EVC: variants seen among roughly 807,000 people sequenced by gnomAD.
The protein encoded by EVC is evC complex member EVC.
EVC carries 116 observed loss-of-function variants against 118.9 expected under a neutral mutation model. The observed-to-expected ratio is 0.98, with a 90% CI of 0.84 to 1.14. The LOEUF is 1.14. EVC is among the 50% of genes most tolerant of loss of function. The probability of loss-of-function intolerance (pLI) is 0.00; values close to 1 mark genes in which losing one functional copy is unlikely to be tolerated. For missense variants in EVC, 1,401 were observed against 1,246.4 expected, an observed-to-expected ratio of 1.12 and a Z score of -1.87; for synonymous variants, 619 against 534.7, an observed-to-expected ratio of 1.16 and a Z score of -2.18.
At position 5,741,733 on chromosome 4, in the gene EVC, TA is replaced by T; in HGVS notation, c.724del (p.Met242CysfsTer31). 6.4e-7 allele frequency: 1 copy of T among 1,570,034 alleles called. No homozygotes were observed. Among genetic ancestry groups the T allele is most frequent in the Non-Finnish European group, 8.8e-7 (1 of 1,141,044 alleles). On this transcript the variant is annotated frameshift_variant, in exon 6 of 21. Coordinates refer to ENST00000264956, the MANE Select transcript of EVC (RefSeq NM_153717.3). LOFTEE classifies it high-confidence loss of function. ...EKHMMFIQIF[K>X]MCLLDLLPKK... Reference sequence around the variant, plus strand: ...GGCAATAGATGTTTATTCAGATTTTTAAAATGTGCCTCCTTGACCTTCTTCC... The same window carrying T: ...GGCAATAGATGTTTATTCAGATTTTTAAATGTGCCTCCTTGACCTTCTTCC...
chr4:5,745,415 T>C (rs1381686884), intron 7 of EVC, 74 bp downstream of exon 7: 35 of 1,510,396 alleles, frequency 2.3e-5, no homozygotes, highest in Non-Finnish European at 3.2e-5. Flanking sequence ...ATTAGAGAGA[T>C]GATAGTTAGA....
intron 17 of EVC, among the ~76,000 whole-genome samples, 161 bp downstream of exon 17, chr4:5,805,002 C>T (rs1275451413): frequency 6.6e-6 from 1 of 152,176 alleles, no homozygotes; most frequent in Non-Finnish European, 1.5e-5. Flanking sequence ...TCTCTGCCCT[C>T]CATGCAGCAC....
chr4:5,754,986 G>A lies in EVC; in HGVS notation c.1464+1053G>A, dbSNP rs1442325968. Among the ~76,000 whole-genome samples the A allele has an allele frequency of 6.6e-6, 1 of 152,014 alleles. No homozygotes were observed. The highest frequency in any genetic ancestry group is 1.5e-5 in the Non-Finnish European group (1 of 67,996). On this transcript the variant is annotated intron_variant, in intron 10 of 20. Coordinates refer to ENST00000264956, the MANE Select transcript of EVC (RefSeq NM_153717.3). The surrounding 1 kb of genome is among the most constrained non-coding windows in gnomAD (Gnocchi z 5.8). ...GCTCTCCCTGGGGGCCAAGCTGGTG[G>A]TGGTGGCACCACTGCAGTGAGAAGC...
At chr4:5,806,172 C>T (rs549279260) in intron 17 of EVC, among the ~76,000 whole-genome samples, 4 of 151,994 alleles carry the variant, frequency 2.6e-5, no homozygotes, top group South Asian at 2.1e-4. Context: ...CTCCGCCTCC[C>T]GGGTTCAAGC....
chr4:5,802,105 C>G lies in EVC; in HGVS notation c.2449+11C>G, dbSNP rs199953234. 2 of 1,614,114 alleles carry G rather than the reference C, an allele frequency of 1.2e-6. No homozygotes were observed. Among genetic ancestry groups the G allele is most frequent in the African/African-American group, 1.3e-5 (1 of 75,044 alleles). On this transcript the variant is annotated intron_variant, in intron 16 of 20. Transcript: ENST00000264956. ...TGAAGACCCTGCAGGGTACGGGACC[C>G]CCCCTCAGGGAAGCCCCAGAAGAGA... is the stretch of plus-strand genomic sequence containing the variant.
intron 1 of EVC, among the ~76,000 whole-genome samples, chr4:5,712,693 C>G (rs1221443028): frequency 6.6e-6 from 1 of 152,108 alleles, no homozygotes; most frequent in African/African-American, 2.4e-5. Context: ...TCATGGGGAG[C>G]ATTACACCGC....
At chr4:5,808,055 G>T (rs879518046) in intron 17 of EVC, 146 bp from the exon 18 acceptor site, 2 of 697,696 alleles carry the variant, frequency 2.9e-6, no homozygotes, top group Non-Finnish European at 5.0e-6. Flanking sequence ...TGGAGCTGGG[G>T]CTGCTGTGAA....
intron 11 of EVC, among the ~76,000 whole-genome samples, chr4:5,770,753 G>A (rs971051896): frequency 2.0e-5 from 3 of 152,136 alleles, no homozygotes; most frequent in Admixed American, 1.3e-4. Flanking sequence ...GCTAACACCT[G>A]TAATCCCAGC....
At chr4:5,725,752 C>T (rs768083350) in intron 2 of EVC, among the ~76,000 whole-genome samples, 10 of 152,106 alleles carry the variant, frequency 6.6e-5, no homozygotes, top group African/African-American at 1.7e-4. Flanking sequence ...GCTTTTGTTG[C>T]GGTTGTTTTT....
chr4:5,723,674 T>G (rs1056435106), intron 2 of EVC, among the ~76,000 whole-genome samples: 1 of 152,120 alleles, frequency 6.6e-6, no homozygotes, highest in African/African-American at 2.4e-5. Flanking sequence ...TGAGCAAATG[T>G]GTCTCCCCTG....
intron 2 of EVC, among the ~76,000 whole-genome samples, chr4:5,729,010 T>C (rs576601482): frequency 1.9e-4 from 29 of 152,166 alleles, no homozygotes; most frequent in Non-Finnish European, 3.7e-4. Context: ...CTGTCCATCC[T>C]TCCATCCAAC....
chr4:5,826,796 C>G, the EVC span: 1 of 152,670 alleles, frequency 6.6e-6, no homozygotes, highest in Non-Finnish European at 1.5e-5. Flanking sequence ...CTCCCTCCTT[C>G]TCTGCAGGTG....
At chr4:5,780,390 A>G (rs1344671117) in intron 11 of EVC, among the ~76,000 whole-genome samples, 3 of 152,200 alleles carry the variant, frequency 2.0e-5, no homozygotes, top group Non-Finnish European at 4.4e-5. Context: ...CAAGAGTCCA[A>G]TGGCCAGGAC....
chr4:5,732,111 C>A (rs183152883), intron 4 of EVC, among the ~76,000 whole-genome samples: 1 of 141,766 alleles, frequency 7.1e-6, no homozygotes, highest in Non-Finnish European at 1.6e-5. Flanking sequence ...TTGGTACTGT[C>A]ATTTCCTCCA....
intron 5 of EVC, among the ~76,000 whole-genome samples, chr4:5,740,150 A>G (rs1027980888): frequency 1.3e-5 from 2 of 152,132 alleles, no homozygotes; most frequent in Non-Finnish European, 2.9e-5. Flanking sequence ...ACATACTTAA[A>G]TGTAAACAGT....
At chr4:5,783,495 G>A in intron 11 of EVC, 57 bp from the exon 12 acceptor site, 1 of 1,546,714 alleles carries the variant, frequency 6.5e-7, no homozygotes, top group South Asian at 1.1e-5. Context: ...GAGCAGCTCA[G>A]GCCCCACACA....
intron 12 of EVC, among the ~76,000 whole-genome samples, chr4:5,790,795 G>A (rs1261136836): frequency 6.6e-6 from 1 of 152,266 alleles, no homozygotes; most frequent in East Asian, 1.9e-4. Context: ...CTTTATGAAT[G>A]AAAATTATAG....
chr4:5,731,703 A>G lies in EVC; in HGVS notation c.617+46A>G, dbSNP rs1726854979. ...AGGATGAGGCTTCCAGTCCTCTTGG[A>G]GTGGGCCGGGAGTCACATCATTGTC... On this transcript the variant is annotated intron_variant, in intron 4 of 20. Coordinates refer to ENST00000264956, the MANE Select transcript of EVC (RefSeq NM_153717.3). The surrounding 1 kb of genome is among the most constrained non-coding windows in gnomAD (Gnocchi z 5.6). 6.5e-7 allele frequency: 1 copy of G among 1,548,488 alleles called. No homozygotes were observed. The highest frequency in any genetic ancestry group is 8.8e-7 in the Non-Finnish European group (1 of 1,131,346).
chr4:5,806,652 C>A lies in EVC; in HGVS notation c.2562-1549C>A, dbSNP rs564752570. The stretch of plus-strand genomic sequence containing the variant: ...TATTGTGAATAATGCAATGAACACA[C>A]GAGAGCAGGTATCTTTCTGATATAC... On this transcript the variant is annotated intron_variant, in intron 17 of 20. Transcript: ENST00000264956. 1.3e-4 allele frequency among the ~76,000 whole-genome samples: 20 copies of A among 152,246 alleles called. No individual in the cohort carries two copies. The South Asian group carries it at 4.1e-3, about 32-fold the overall frequency.
Sources: allele counts gnomAD v4.1 joint callset (sites outside exome capture counted in the v4.1 genomes callset), GRCh38; gene constraint gnomAD v4.1.1; non-coding constraint Gnocchi (gnomAD v3.1); transcripts MANE v1.5; gene names NCBI Gene and HGNC (gene_info 2026-07-23, HGNC 2026-07-21).